Variants in EAF2 observed in about 807,000 individuals in gnomAD.
EAF2 encodes ELL-associated factor 2.
Under a neutral mutation model 29.4 loss-of-function variants are expected in EAF2, and 29 were observed. The observed-to-expected ratio is 0.99, with a 90% confidence interval of 0.73 to 1.35. The LOEUF is 1.35. Among genes scored for constraint, EAF2 ranks in the 40% most tolerant of loss-of-function variants. EAF2 has a pLI of 0.00. For synonymous variants in EAF2, 103 were observed against 102.5 expected, an observed-to-expected ratio of 1.00 and a Z score of -0.03; for missense variants, 292 against 312.0, an observed-to-expected ratio of 0.94 and a Z score of 0.48.
intron 1 of EAF2, among the ~76,000 whole-genome samples, chr3:121,838,270 A>G (rs551285343): frequency 6.6e-6 from 1 of 152,298 alleles, no homozygotes; most frequent in East Asian, 1.9e-4. Context: ...AGAATAAATA[A>G]ATGGTAAAGT....
At chr3:121,882,731 G>A (rs1351998165) in intron 5 of EAF2, among the ~76,000 whole-genome samples, 2 of 150,718 alleles carry the variant, frequency 1.3e-5, no homozygotes, top group Admixed American at 1.3e-4. Context: ...AGATATATGC[G>A]AAAGTAAAGT....
chr3:121,873,279 G>C, intron 5 of EAF2: 1 of 463,190 alleles, frequency 2.2e-6, no homozygotes, highest in South Asian at 3.8e-5. Context: ...ATCAATCTTT[G>C]GCTCACTGTG....
At chr3:121,860,537 G>T (rs1216280426) in intron 4 of EAF2, among the ~76,000 whole-genome samples, 3 of 152,092 alleles carry the variant, frequency 2.0e-5, no homozygotes, top group Non-Finnish European at 2.9e-5. Context: ...ATTTGTTATT[G>T]TATCTATTTG....
intron 1 of EAF2, among the ~76,000 whole-genome samples, chr3:121,841,961 G>A (rs1022395576): frequency 1.3e-4 from 20 of 150,570 alleles, no homozygotes; most frequent in African/African-American, 4.9e-4. Flanking sequence ...AGCTGAGATC[G>A]CACCACTGCA....
intron 5 of EAF2, among the ~76,000 whole-genome samples, chr3:121,884,207 G>A (rs1031792870): frequency 2.0e-5 from 3 of 151,706 alleles, no homozygotes; most frequent in East Asian, 2.0e-4. Flanking sequence ...AGGCATGGTG[G>A]CGCATGCCTG....
At chr3:121,840,061 G>A (rs1708381794) in intron 1 of EAF2, among the ~76,000 whole-genome samples, 1 of 151,488 alleles carries the variant, frequency 6.6e-6, no homozygotes. Context: ...TCGTGGTGGC[G>A]GGAGCCCGTA....
chr3:121,835,437 G>A (rs1708246347), intron 1 of EAF2, 46 bp downstream of exon 1: 2 of 1,538,728 alleles, frequency 1.3e-6, no homozygotes, highest in East Asian at 4.5e-5. Flanking sequence ...TCCCGGGATG[G>A]GGGTGAAGAG....
intron 5 of EAF2, among the ~76,000 whole-genome samples, chr3:121,878,463 C>CTATA (rs1709139060): frequency 6.6e-6 from 1 of 152,050 alleles, no homozygotes; most frequent in South Asian, 2.1e-4. Flanking sequence ...TTGTTGTTAA[C>CTATA]TATAGTCATC....
chr3:121,865,457 C>A (rs903666383), intron 4 of EAF2, among the ~76,000 whole-genome samples: 21 of 152,056 alleles, frequency 1.4e-4, no homozygotes, highest in African/African-American at 5.1e-4. Flanking sequence ...GTTGAATCAC[C>A]TTTTCAGGTT....
chr3:121,846,418 A>G (rs1027352069), intron 2 of EAF2, among the ~76,000 whole-genome samples: 4 of 152,360 alleles, frequency 2.6e-5, no homozygotes, highest in African/African-American at 9.6e-5. Flanking sequence ...AAAATTGTTC[A>G]GGTTCTAGTA....
At chr3:121,863,291 A>T (rs1281962642) in intron 4 of EAF2, among the ~76,000 whole-genome samples, 1 of 152,084 alleles carries the variant, frequency 6.6e-6, no homozygotes, top group Non-Finnish European at 1.5e-5. Context: ...CTGCCCCCAG[A>T]GGTGGAGTCT....
intron 4 of EAF2, among the ~76,000 whole-genome samples, chr3:121,864,274 A>G (rs1234329161): frequency 6.6e-6 from 1 of 152,176 alleles, no homozygotes; most frequent in Admixed American, 6.5e-5. Context: ...GTCCAATTTC[A>G]GTGTTCCCTT....
intron 2 of EAF2, among the ~76,000 whole-genome samples, chr3:121,847,047 A>G (rs1035851341): frequency 2.0e-5 from 3 of 152,168 alleles, no homozygotes; most frequent in Non-Finnish European, 4.4e-5. Context: ...GCCCCCACAG[A>G]TATGTCCAAA....
intron 4 of EAF2, among the ~76,000 whole-genome samples, 197 bp downstream of exon 4, chr3:121,857,353 A>G (rs1708738817): frequency 6.6e-6 from 1 of 152,112 alleles, no homozygotes; most frequent in African/African-American, 2.4e-5. Flanking sequence ...TTAGCTGGGC[A>G]TGATGGCATG....
Position 121,835,255 on chromosome 3 carries a change from G to A in EAF2, c.-31G>A, listed in dbSNP as rs201683243. On this transcript the variant is annotated 5_prime_UTR_variant, in exon 1 of 6. Coordinates refer to ENST00000273668, the MANE Select transcript of EAF2 (RefSeq NM_018456.6). Reference sequence around the variant, plus strand: ...AGGTGGCAGATAGTGAGCGCTGGTGGCGGAGTTAAAGTCAAAGCAGGAGAG... The same window carrying A: ...AGGTGGCAGATAGTGAGCGCTGGTGACGGAGTTAAAGTCAAAGCAGGAGAG... The A allele has an allele frequency of 6.8e-4, 1,090 of 1,604,076 alleles. 4 individuals carry two copies. Among genetic ancestry groups the A allele is most frequent in the South Asian group, 3.6e-3 (324 of 90,882 alleles).
At chr3:121,841,523 A>G (rs867472423) in intron 1 of EAF2, among the ~76,000 whole-genome samples, 71 of 27,284 alleles carry the variant, frequency 2.6e-3, no homozygotes, top group African/African-American at 3.8e-3. Flanking sequence ...AAAAAAAAAA[A>G]AAAAAAAAAA....
intron 1 of EAF2, 21 bp from the exon 2 acceptor site, chr3:121,844,432 G>A (rs779643773): frequency 3.6e-5 from 51 of 1,423,648 alleles, no homozygotes; most frequent in Non-Finnish European, 4.8e-5. Context: ...TACAAAAATT[G>A]GTATTTGTAT....
In EAF2 at chr3:121,844,524, A is replaced by T; in HGVS notation, c.178A>T (p.Thr60Ser). ...YLEVGEGEQV[T>S]ITLPNIEGST... ...TGAGGTTGGTGAAGGTGAACAGGTGACCATAACTCTGCCAAATATAGAAGT... is the reference window on the plus strand; with the variant it reads ...TGAGGTTGGTGAAGGTGAACAGGTGTCCATAACTCTGCCAAATATAGAAGT... Residue 60 changes from threonine (T) to serine (S), a missense_variant, in exon 2 of 6, where the codon ACC becomes TCC. By Grantham distance (58) the Thr-to-Ser change is moderately conservative (BLOSUM62 1). Coordinates refer to ENST00000273668, the MANE Select transcript of EAF2 (RefSeq NM_018456.6). 6.2e-7 allele frequency: 1 copy of T among 1,608,768 alleles called. No individual in the cohort carries two copies. The highest frequency in any genetic ancestry group is 1.1e-5 in the South Asian group (1 of 90,372).
chr3:121,851,452 G>A (rs1708630309), intron 2 of EAF2, among the ~76,000 whole-genome samples: 1 of 152,144 alleles, frequency 6.6e-6, no homozygotes, highest in Non-Finnish European at 1.5e-5. Context: ...GGGATTACAT[G>A]CATGAGTCAC....
Sources: gnomAD v4.1 joint callset for allele counts (sites outside exome capture counted in the v4.1 genomes callset) on GRCh38, gnomAD v4.1.1 for gene constraint, MANE v1.5 for transcripts, NCBI Gene and HGNC (gene_info 2026-07-23, HGNC 2026-07-21) for gene names.